Variants in SPMIP10 observed in about 807,000 individuals in gnomAD.
The protein encoded by SPMIP10 is sperm microtubule inner protein 10.
At chr5:126,634,525 C>G in the SPMIP10 span, among the ~76,000 whole-genome samples, 1 of 152,042 alleles carries the variant, frequency 6.6e-6, no homozygotes, top group Non-Finnish European at 1.5e-5. Context: ...TTTTCAATGC[C>G]CTAAGTAGCT....
At chr5:126,633,166 ACT>A in the SPMIP10 span, among the ~76,000 whole-genome samples, 1 of 151,758 alleles carries the variant, frequency 6.6e-6, no homozygotes, top group South Asian at 2.1e-4. Context: ...AATTTCAGAA[ACT>A]CTACATCATG....
chr5:126,633,637 G>A, the SPMIP10 span, among the ~76,000 whole-genome samples: 3 of 152,208 alleles, frequency 2.0e-5, no homozygotes, highest in South Asian at 2.1e-4. Flanking sequence ...TAGGATTACA[G>A]GAGTTAGCCA....
At chr5:126,631,920 A>G in the SPMIP10 span, 5 of 739,152 alleles carry the variant, frequency 6.8e-6, no homozygotes, top group Non-Finnish European at 1.2e-5. Flanking sequence ...TTTGGCATCT[A>G]TACAGAAAGC....
the SPMIP10 span, among the ~76,000 whole-genome samples, chr5:126,634,065 A>G: frequency 5.3e-5 from 8 of 152,342 alleles, no homozygotes; most frequent in African/African-American, 1.4e-4. Context: ...TAGAATTACC[A>G]TATGATTCAG....
chr5:126,632,444 AG>A, the SPMIP10 span: 1 of 696,110 alleles, frequency 1.4e-6, no homozygotes. Flanking sequence ...CTGCAACAGC[AG>A]GGGACCAAAC....
the SPMIP10 span, among the ~76,000 whole-genome samples, chr5:126,634,279 A>G: frequency 6.6e-6 from 1 of 152,110 alleles, no homozygotes; most frequent in South Asian, 2.1e-4. Flanking sequence ...TAAAAATACA[A>G]AAATTAGCCG....
the SPMIP10 span, chr5:126,631,801 C>T: frequency 6.2e-7 from 1 of 1,608,524 alleles, no homozygotes; most frequent in African/African-American, 1.3e-5. Flanking sequence ...TGATGAGAGT[C>T]TCTATAAATC....
chr5:126,636,062 C>T, the SPMIP10 span: 1 of 1,613,906 alleles, frequency 6.2e-7, no homozygotes, highest in Non-Finnish European at 8.5e-7. Context: ...CCATACTGGC[C>T]CTTTAGAAGA....
chr5:126,636,140 G>T, the SPMIP10 span: 1 of 1,614,050 alleles, frequency 6.2e-7, no homozygotes, highest in Non-Finnish European at 8.5e-7. Context: ...CTTCCAAAAA[G>T]GCCCACCAGA....
the SPMIP10 span, among the ~76,000 whole-genome samples, chr5:126,632,287 G>C: frequency 1.2e-5 from 1 of 80,466 alleles, no homozygotes; most frequent in Admixed American, 1.4e-4. Context: ...AAAAAAAAAA[G>C]TCAGATTAAA....
chr5:126,636,241 AT>A, the SPMIP10 span: 1 of 1,607,762 alleles, frequency 6.2e-7, no homozygotes, highest in Admixed American at 1.7e-5. Context: ...GACTAGTCTA[AT>A]GAAAGAAGAA....
chr5:126,632,171 G>T, the SPMIP10 span, among the ~76,000 whole-genome samples: 1 of 148,756 alleles, frequency 6.7e-6, no homozygotes, highest in African/African-American at 2.5e-5. Flanking sequence ...GGCCAAGGTG[G>T]GTGGTTCACT....
At chr5:126,636,126 T>C in the SPMIP10 span, 2 of 1,614,126 alleles carry the variant, frequency 1.2e-6, no homozygotes, top group Non-Finnish European at 1.7e-6. Flanking sequence ...GATCGTAAAG[T>C]TGTCTTCCAA....
the SPMIP10 span, chr5:126,632,781 A>G: frequency 1.7e-6 from 1 of 591,416 alleles, no homozygotes; most frequent in South Asian, 1.9e-5. Flanking sequence ...TGAGGTCAGG[A>G]GTTCGAGACC....
the SPMIP10 span, chr5:126,631,775 T>G: frequency 1.9e-6 from 3 of 1,612,776 alleles, no homozygotes; most frequent in Non-Finnish European, 2.5e-6. Context: ...TTGCCTAAAC[T>G]CACTAACAAC....
the SPMIP10 span, chr5:126,631,796 A>G: frequency 1.2e-6 from 2 of 1,611,180 alleles, no homozygotes; most frequent in South Asian, 1.1e-5. Context: ...TGCTCTGATG[A>G]GAGTCTCTAT....
the SPMIP10 span, among the ~76,000 whole-genome samples, chr5:126,633,937 G>A: frequency 6.6e-6 from 1 of 152,070 alleles, no homozygotes; most frequent in Admixed American, 6.6e-5. Context: ...AGGATTACAG[G>A]CATGAACCAC....
chr5:126,633,008 C>T, the SPMIP10 span, among the ~76,000 whole-genome samples: 5 of 125,368 alleles, frequency 4.0e-5, no homozygotes, highest in Admixed American at 1.5e-4. Context: ...ATAAATTTTA[C>T]ATATATATAT....
the SPMIP10 span, chr5:126,636,230 C>G: frequency 6.2e-7 from 1 of 1,612,174 alleles, no homozygotes; most frequent in Non-Finnish European, 8.5e-7. Flanking sequence ...CTTCAGGAGG[C>G]GACTAGTCTA....
Sources: allele counts gnomAD v4.1 joint callset (sites outside exome capture counted in the v4.1 genomes callset), GRCh38; gene constraint gnomAD v4.1.1; transcripts MANE v1.5; gene names NCBI Gene and HGNC (gene_info 2026-07-23, HGNC 2026-07-21).